Variants in CTIF observed in about 807,000 individuals in gnomAD.
CTIF encodes CBP80/20-dependent translation initiation factor.
Under a neutral mutation model 66.0 loss-of-function variants are expected in CTIF, and 21 were observed. That is an observed-to-expected ratio of 0.32 (90% CI 0.23 to 0.46). The LOEUF (loss-of-function observed/expected upper bound fraction) is 0.46, where lower values mean the gene tolerates loss of function less well. Among genes scored for constraint, CTIF ranks in the 20% least tolerant of loss-of-function variants. The pLI is 1.00. For missense variants in CTIF, 739 were observed against 812.7 expected (o/e 0.91, Z 1.10); for synonymous variants, 345 against 326.4 (o/e 1.06, Z -0.62).
intron 1 of CTIF, among the ~76,000 whole-genome samples, chr18:48,589,537 C>T (rs34860889): frequency 0.15 from 23,342 of 152,138 alleles, 2,528 homozygotes; most frequent in African/African-American, 0.31. Context: ...GTCCTAGGGA[C>T]TAGGGGTCCA....
chr18:48,578,341 C>G (rs2089580988), intron 1 of CTIF, among the ~76,000 whole-genome samples: 1 of 152,078 alleles, frequency 6.6e-6, no homozygotes. Flanking sequence ...GGGTATATAC[C>G]TAGGATTGGA....
chr18:48,801,206 C>T (rs560846416), intron 9 of CTIF, among the ~76,000 whole-genome samples: 12 of 152,316 alleles, frequency 7.9e-5, no homozygotes, highest in Admixed American at 2.0e-4. Flanking sequence ...AGACAGAGCC[C>T]GGTGCAAACA....
At chr18:48,571,139 C>T (rs753979931) in intron 1 of CTIF, among the ~76,000 whole-genome samples, 8 of 152,158 alleles carry the variant, frequency 5.3e-5, no homozygotes, top group Non-Finnish European at 5.9e-5. Context: ...TTGCCTTATG[C>T]CCTCCTGGAG....
chr18:48,582,744 A>C (rs1568048768), intron 1 of CTIF, among the ~76,000 whole-genome samples: 1 of 152,072 alleles, frequency 6.6e-6, no homozygotes, highest in Non-Finnish European at 1.5e-5. Flanking sequence ...TAAACGTTTT[A>C]TTACCTCTAG....
At position 48,745,010 on chromosome 18, in the gene CTIF, G is replaced by A. The variant is rs113846524; in HGVS notation, c.585-12909G>A. On this transcript the variant is annotated intron_variant, in intron 7 of 11. Coordinates refer to ENST00000256413, the MANE Select transcript of CTIF (RefSeq NM_014772.3). The stretch of plus-strand genomic sequence containing the variant: ...GCTAATTTTTTGTATTTTTAGTAGA[G>A]ACAGGGTTTCACCGTGTTAGCTAGG... Among the ~76,000 whole-genome samples the A allele has an allele frequency of 3.9e-4, 60 of 152,216 alleles. 2 individuals are homozygous for A. Among genetic ancestry groups the A allele is most frequent in the African/African-American group, 1.4e-3 (58 of 41,530 alleles).
At chr18:48,667,082 G>GACACACACAC (rs4044188) in intron 5 of CTIF, among the ~76,000 whole-genome samples, 1,849 of 142,246 alleles carry the variant, frequency 0.013, 27 homozygotes, top group African/African-American at 0.035. Flanking sequence ...CAGGAAAGTA[G>GACACACACAC]ACACACACAC....
At chr18:48,563,940 A>T (rs2089221035) in intron 1 of CTIF, among the ~76,000 whole-genome samples, 1 of 151,668 alleles carries the variant, frequency 6.6e-6, no homozygotes, top group Non-Finnish European at 1.5e-5. Flanking sequence ...CCAGTCCCCT[A>T]CCCCCTCAAA....
chr18:48,795,568 A>C (rs1371304128), intron 9 of CTIF, among the ~76,000 whole-genome samples: 3 of 152,202 alleles, frequency 2.0e-5, no homozygotes, highest in South Asian at 2.1e-4. Context: ...GGTTTCTTCA[A>C]ATGGCTTGCA....
intron 9 of CTIF, among the ~76,000 whole-genome samples, chr18:48,797,221 AC>A (rs1304711169): frequency 1.3e-5 from 2 of 152,150 alleles, no homozygotes; most frequent in East Asian, 1.9e-4. Flanking sequence ...GATGGCTCAC[AC>A]CTGTGATCCT....
intron 2 of CTIF, among the ~76,000 whole-genome samples, chr18:48,623,877 C>A (rs796488599): frequency 1.6e-3 from 185 of 116,882 alleles, no homozygotes; most frequent in South Asian, 0.015. Context: ...GGATGGATGG[C>A]TGGCTGGCTG....
chr18:48,829,576 G>T (rs117773323), intron 10 of CTIF, among the ~76,000 whole-genome samples: 2 of 152,264 alleles, frequency 1.3e-5, no homozygotes, highest in Middle Eastern at 3.4e-3. Context: ...GTGGGCCCCC[G>T]CCTTGCCCAG....
chr18:48,722,065 G>A (rs759403662), intron 7 of CTIF, among the ~76,000 whole-genome samples: 5 of 152,140 alleles, frequency 3.3e-5, no homozygotes, highest in Non-Finnish European at 7.3e-5. Context: ...CCAGTGTCTC[G>A]TGTATCTTCA....
At chr18:48,683,769 T>G (rs2091787964) in intron 6 of CTIF, among the ~76,000 whole-genome samples, 1 of 152,148 alleles carries the variant, frequency 6.6e-6, no homozygotes, top group Non-Finnish European at 1.5e-5. Flanking sequence ...GTGTGTCTCT[T>G]TTGGATCCCA....
intron 9 of CTIF, among the ~76,000 whole-genome samples, chr18:48,781,385 G>A (rs1911200797): frequency 6.6e-6 from 1 of 152,202 alleles, no homozygotes; most frequent in Admixed American, 6.5e-5. Flanking sequence ...GAGGGTGCGG[G>A]GGATTTGGCC....
intron 9 of CTIF, among the ~76,000 whole-genome samples, chr18:48,762,129 G>T (rs1211611626): frequency 1.3e-5 from 2 of 152,180 alleles, no homozygotes; most frequent in Admixed American, 1.3e-4. Context: ...TAGTGAGATG[G>T]GTTTGAGTAA....
At chr18:48,572,992 T>TA (rs529429364) in intron 1 of CTIF, among the ~76,000 whole-genome samples, 3 of 151,216 alleles carry the variant, frequency 2.0e-5, no homozygotes, top group East Asian at 1.9e-4. Context: ...GACCCTGTCT[T>TA]AAAAAAACAA....
intron 7 of CTIF, among the ~76,000 whole-genome samples, chr18:48,745,444 C>T (rs1019394765): frequency 7.2e-5 from 11 of 152,362 alleles, no homozygotes; most frequent in South Asian, 2.1e-4. Flanking sequence ...AGAGGCTACG[C>T]CAATGTTCTG....
chr18:48,672,799 C>T (rs188220472), intron 6 of CTIF, among the ~76,000 whole-genome samples: 50 of 152,182 alleles, frequency 3.3e-4, no homozygotes, highest in African/African-American at 1.1e-3. Flanking sequence ...ACCCCCATCT[C>T]CGGCCCCTTC....
At chr18:48,855,998 C>G (rs989555872) in intron 10 of CTIF, among the ~76,000 whole-genome samples, 3 of 152,072 alleles carry the variant, frequency 2.0e-5, no homozygotes, top group Non-Finnish European at 4.4e-5. Context: ...TCGTGATGAT[C>G]GACATGGCAG....
Sources: allele counts gnomAD v4.1 joint callset (sites outside exome capture counted in the v4.1 genomes callset), GRCh38; gene constraint gnomAD v4.1.1; transcripts MANE v1.5; gene names NCBI Gene and HGNC (gene_info 2026-07-23, HGNC 2026-07-21).